Variants in PACS1 observed in about 807,000 individuals in gnomAD.
The protein encoded by PACS1 is PACS-1.
In PACS1, 24 loss-of-function variants were observed where a neutral mutation model predicts 115.0. The ratio of observed to expected loss-of-function variants is 0.21; its 90% CI spans 0.15 to 0.29. PACS1 has a LOEUF of 0.29. Among genes scored for constraint, PACS1 ranks in the 10% least tolerant of loss-of-function variants. The probability of loss-of-function intolerance (pLI) is 1.00; values close to 1 mark genes in which losing one functional copy is unlikely to be tolerated. For synonymous variants in PACS1, 453 were observed against 504.5 expected, an observed-to-expected ratio of 0.90 and a Z score of 1.37; for missense variants, 838 against 1,251.2, an observed-to-expected ratio of 0.67 and a Z score of 4.98.
chr11:66,102,482 G>A (rs1216754674), intron 1 of PACS1, among the ~76,000 whole-genome samples: 4 of 151,696 alleles, frequency 2.6e-5, no homozygotes, highest in African/African-American at 4.8e-5. Flanking sequence ...ATACCACCAC[G>A]CCAGGCTAAT....
intron 1 of PACS1, among the ~76,000 whole-genome samples, chr11:66,092,393 T>C (rs1224058154): frequency 6.6e-6 from 1 of 152,208 alleles, no homozygotes; most frequent in African/African-American, 2.4e-5. Context: ...TGTAAATTTG[T>C]TTGAGTTCAC....
At chr11:66,231,737 G>T in intron 13 of PACS1, 1 of 182,556 alleles carries the variant, frequency 5.5e-6, no homozygotes, top group Non-Finnish European at 1.2e-5. Flanking sequence ...CAGACAGCAG[G>T]TACCCACACA....
Position 66,070,319 on chromosome 11 carries a change from G to C in PACS1, c.-168G>C, listed in dbSNP as rs1053892396. 3 of 218,720 alleles carry C rather than the reference G, an allele frequency of 1.4e-5. No individual in the cohort carries two copies. Among genetic ancestry groups the C allele is most frequent in the Non-Finnish European group, 2.5e-5 (3 of 118,332 alleles). 13.5% of individuals were successfully genotyped at this position (218,720 alleles called of 1,614,324 possible). ...GCAACAGGCAGCGGCGGTCGAGCGC[G>C]AGGCCCGCGCGCCCAGAGGCCCCGC... On this transcript the variant is annotated 5_prime_UTR_variant, in exon 1 of 24. Coordinates refer to ENST00000320580, the MANE Select transcript of PACS1 (RefSeq NM_018026.4). This position sits in a 1 kb window ranked among gnomAD's most constrained non-coding sequence, Gnocchi z 5.9.
At chr11:66,139,598 T>A (rs1858933001) in intron 1 of PACS1, among the ~76,000 whole-genome samples, 1 of 152,036 alleles carries the variant, frequency 6.6e-6, no homozygotes, top group South Asian at 2.1e-4. Context: ...TGAGAACATG[T>A]GAAGTTTGTC....
At chr11:66,115,208 CAAA>C (rs71455703) in intron 1 of PACS1, among the ~76,000 whole-genome samples, 3 of 80,364 alleles carry the variant, frequency 3.7e-5, no homozygotes, top group Non-Finnish European at 2.6e-5. Context: ...GACCCTATCT[CAAA>C]AAAAAAAAAA....
At chr11:66,097,130 T>A (rs1331146288) in intron 1 of PACS1, among the ~76,000 whole-genome samples, 1 of 152,178 alleles carries the variant, frequency 6.6e-6, no homozygotes, top group African/African-American at 2.4e-5. Context: ...TCCCACTAAC[T>A]GAGGCAGACA....
intron 1 of PACS1, among the ~76,000 whole-genome samples, chr11:66,123,810 C>A (rs936641429): frequency 6.6e-6 from 1 of 152,000 alleles, no homozygotes; most frequent in African/African-American, 2.4e-5. Context: ...CGTGAGCCAC[C>A]GCACCCAGCC....
At chr11:66,118,789 A>AG (rs1476581274) in intron 1 of PACS1, among the ~76,000 whole-genome samples, 18 of 151,070 alleles carry the variant, frequency 1.2e-4, no homozygotes, top group Middle Eastern at 3.4e-3. Flanking sequence ...AAAAAAAAAA[A>AG]AAAGAAAGAA....
intron 1 of PACS1, among the ~76,000 whole-genome samples, chr11:66,139,458 T>TA (rs1295609527): frequency 6.6e-6 from 1 of 152,000 alleles, no homozygotes; most frequent in Non-Finnish European, 1.5e-5. Flanking sequence ...TTTAATCCAT[T>TA]AGCCCTCCCC....
chr11:66,131,165 C>T (rs181222838), intron 1 of PACS1, among the ~76,000 whole-genome samples: 2 of 152,290 alleles, frequency 1.3e-5, no homozygotes, highest in Admixed American at 1.3e-4. Flanking sequence ...TAAATACCAA[C>T]AAGTATCATT....
chr11:66,227,440 A>C, intron 10 of PACS1, 64 bp from the exon 11 acceptor site: 1 of 908,858 alleles, frequency 1.1e-6, no homozygotes, highest in South Asian at 1.4e-5. Context: ...ATAGGGACCT[A>C]GTAAAACAAA....
intron 1 of PACS1, among the ~76,000 whole-genome samples, chr11:66,174,631 AAGCC>A (rs931640393): frequency 2.0e-5 from 3 of 152,240 alleles, no homozygotes; most frequent in Non-Finnish European, 4.4e-5. Flanking sequence ...TAAATGAAAG[AAGCC>A]AGACATGTTG....
intron 1 of PACS1, among the ~76,000 whole-genome samples, chr11:66,108,389 T>C (rs1858102366): frequency 6.6e-6 from 1 of 152,146 alleles, no homozygotes; most frequent in Non-Finnish European, 1.5e-5. Context: ...CTTAGGGCAC[T>C]ATCTCCAAAT....
rs746499911 is a variant in PACS1, at chr11:66,230,847, G to T, written c.1533G>T (p.Thr511=). 2 of 1,614,150 alleles carry T rather than the reference G, an allele frequency of 1.2e-6. No individual in the cohort carries two copies. The highest frequency in any genetic ancestry group is 1.7e-5 in the Admixed American group (1 of 60,026). ...ACACACCCCGGCAGAAGAGGAGCAC[G>T]CCCCTGAAGGAGCGGCAGCTCTCCA... is the stretch of plus-strand genomic sequence containing the variant. The part of the protein sequence containing the change: ...GVHTPRQKRS[T]PLKERQLSKP... The change falls in exon 13 of 24, where the codon ACG becomes ACT. Residue 511 remains threonine, a synonymous_variant. Transcript: ENST00000320580.
intron 21 of PACS1, 61 bp from the exon 22 acceptor site, chr11:66,241,366 G>A: frequency 7.6e-7 from 1 of 1,323,826 alleles, no homozygotes; most frequent in Non-Finnish European, 1.1e-6. Flanking sequence ...TACCCCATCA[G>A]GCCTATGTAG....
chr11:66,155,485 A>G (rs994231447), intron 1 of PACS1, among the ~76,000 whole-genome samples: 1 of 152,220 alleles, frequency 6.6e-6, no homozygotes, highest in Non-Finnish European at 1.5e-5. Flanking sequence ...CAGGAGCTAC[A>G]TAAAATACTT....
chr11:66,201,064 C>G (rs1294706778), intron 2 of PACS1, among the ~76,000 whole-genome samples: 1 of 151,926 alleles, frequency 6.6e-6, no homozygotes, highest in Admixed American at 6.6e-5. Flanking sequence ...CCTAAAAATA[C>G]AAAAATTAGC....
At chr11:66,151,717 G>T (rs932550722) in intron 1 of PACS1, among the ~76,000 whole-genome samples, 8 of 152,198 alleles carry the variant, frequency 5.3e-5, no homozygotes, top group Non-Finnish European at 1.2e-4. Context: ...TAAATAAAAT[G>T]GAAAGTCTAA....
At chr11:66,208,276 A>C (rs532844201) in intron 2 of PACS1, among the ~76,000 whole-genome samples, 1 of 152,248 alleles carries the variant, frequency 6.6e-6, no homozygotes, top group Non-Finnish European at 1.5e-5. Context: ...GAGTAATCAC[A>C]GCTTTGCTGA....
Sources: gnomAD v4.1 joint callset for allele counts (sites outside exome capture counted in the v4.1 genomes callset) on GRCh38, gnomAD v4.1.1 for gene constraint, Gnocchi (gnomAD v3.1) non-coding constraint, MANE v1.5 for transcripts, NCBI Gene and HGNC (gene_info 2026-07-23, HGNC 2026-07-21) for gene names.